The following KCNMA1 variants were observed in gnomAD, a reference collection of about 807,000 sequenced individuals.
KCNMA1 encodes Calcium-activated potassium channel subunit alpha-1.
A neutral mutation model predicts 140.0 loss-of-function variants in KCNMA1; 29 were observed. The observed-to-expected ratio is 0.21, with a 90% CI of 0.15 to 0.28. The LOEUF is 0.28. KCNMA1 is among the 10% of genes least tolerant of loss of function. The pLI, the probability that KCNMA1 is intolerant of heterozygous loss-of-function variation, is 1.00. For synonymous variants in KCNMA1, 612 were observed against 611.9 expected, an observed-to-expected ratio of 1.00 and a Z score of 0.00; for missense variants, 880 against 1,602.2, an observed-to-expected ratio of 0.55 and a Z score of 7.70.
intron 19 of KCNMA1, among the ~76,000 whole-genome samples, chr10:76,989,494 G>C (rs1460385131): frequency 6.6e-6 from 1 of 152,100 alleles, no homozygotes; most frequent in Admixed American, 6.5e-5. Context: ...GATAATCAGA[G>C]TCTCAGAGTT....
chr10:76,932,413 G>T (rs1316255299), intron 23 of KCNMA1, among the ~76,000 whole-genome samples: 1 of 152,096 alleles, frequency 6.6e-6, no homozygotes, highest in Non-Finnish European at 1.5e-5. Context: ...GATAAAAAGA[G>T]GTAAAGTAAT....
Position 77,059,636 on chromosome 10 carries a change from CA to C in KCNMA1, c.1749+13460del, listed in dbSNP as rs1363283568. Among the ~76,000 whole-genome samples the C allele has an allele frequency of 2.0e-5, 3 of 151,924 alleles. No homozygotes were observed. In the East Asian group the frequency reaches 5.8e-4, roughly 29 times the overall value. On this transcript the variant is annotated intron_variant, in intron 14 of 27. Transcript: ENST00000286628. The stretch of plus-strand genomic sequence containing the variant: ...TACATTGATGCAGGAAAGCATTTAG[CA>C]AAATTCAACCTCCATTCATGATTGA...
chr10:77,424,745 G>A (rs886686548), intron 1 of KCNMA1, among the ~76,000 whole-genome samples: 3 of 152,210 alleles, frequency 2.0e-5, no homozygotes, highest in African/African-American at 4.8e-5. Flanking sequence ...TTTAATGAAG[G>A]TGGTGGTATT....
chr10:77,022,604 C>T (rs887235730), intron 16 of KCNMA1, among the ~76,000 whole-genome samples: 13 of 152,130 alleles, frequency 8.5e-5, no homozygotes, highest in Admixed American at 5.9e-4. Flanking sequence ...TAGAGGGGTA[C>T]AAAACATGAT....
chr10:77,093,223 A>G (rs1171206123), intron 9 of KCNMA1, among the ~76,000 whole-genome samples: 2 of 152,194 alleles, frequency 1.3e-5, no homozygotes, highest in Non-Finnish European at 2.9e-5. Context: ...TCAAAAAAGG[A>G]AGAAAAAAAA....
chr10:77,232,852 A>G (rs148472434), intron 3 of KCNMA1, among the ~76,000 whole-genome samples: 1 of 145,008 alleles, frequency 6.9e-6, no homozygotes, highest in East Asian at 2.0e-4. Flanking sequence ...CAATTTTATT[A>G]TTTTGCATGT....
intron 20 of KCNMA1, among the ~76,000 whole-genome samples, chr10:76,958,410 G>C (rs2069299395): frequency 6.6e-6 from 1 of 152,154 alleles, no homozygotes; most frequent in Admixed American, 6.5e-5. Context: ...CTTAGCCAAT[G>C]TACATGCCCT....
intron 1 of KCNMA1, among the ~76,000 whole-genome samples, chr10:77,495,633 C>T (rs193070027): frequency 8.5e-5 from 13 of 152,214 alleles, no homozygotes; most frequent in Non-Finnish European, 1.8e-4. Context: ...GAGAAGCCTG[C>T]GGGGAAGCTC....
At chr10:77,014,872 G>A (rs565114789) in intron 17 of KCNMA1, among the ~76,000 whole-genome samples, 1 of 152,262 alleles carries the variant, frequency 6.6e-6, no homozygotes, top group African/African-American at 2.4e-5. Context: ...CCTCTGTCAT[G>A]CTCACCTCGC....
intron 1 of KCNMA1, among the ~76,000 whole-genome samples, chr10:77,559,163 A>G (rs886129202): frequency 1.3e-5 from 2 of 152,248 alleles, no homozygotes; most frequent in African/African-American, 4.8e-5. Context: ...GGACAACCTT[A>G]GGGCAATGGG....
chr10:77,544,150 C>CTCTGTG (rs1555434748), intron 1 of KCNMA1, among the ~76,000 whole-genome samples: 8,200 of 142,528 alleles, frequency 0.058, 342 homozygotes, highest in African/African-American at 0.11. Context: ...ATCTTTCCAG[C>CTCTGTG]TGTGTGTGTG....
intron 2 of KCNMA1, among the ~76,000 whole-genome samples, chr10:77,369,632 C>A (rs997174830): frequency 7.9e-5 from 12 of 152,286 alleles, no homozygotes; most frequent in South Asian, 2.1e-4. Flanking sequence ...GAGGCCCCAC[C>A]TATATTTGAG....
At chr10:77,510,913 T>C (rs935244602) in intron 1 of KCNMA1, among the ~76,000 whole-genome samples, 1 of 152,110 alleles carries the variant, frequency 6.6e-6, no homozygotes, top group African/African-American at 2.4e-5. Context: ...TGGAAACACA[T>C]GGAAATAACA....
Position 77,090,680 on chromosome 10 carries a change from C to T in KCNMA1, c.1224-170G>A, listed in dbSNP as rs2296676. On this transcript the variant is annotated intron_variant, in intron 9 of 27. Transcript: ENST00000286628. ...CCCAGAGGGCAGTGAGGCAAAGCAG[C>T]GGTGCTAGCAGGTGCTGAGACTCCT... The T allele has an allele frequency of 0.067, 43,178 of 641,378 alleles. 5,579 individuals carry two copies. Among genetic ancestry groups the T allele is most frequent in the East Asian group, 0.48 (17,405 of 36,530 alleles). 39.7% of individuals were successfully genotyped at this position (641,378 alleles called of 1,614,324 possible). A position where few individuals can be genotyped will look rare whatever the true frequency, so the allele number is the denominator to read the frequency against.
chr10:77,355,540 C>T (rs964430531), intron 2 of KCNMA1, among the ~76,000 whole-genome samples: 1 of 152,128 alleles, frequency 6.6e-6, no homozygotes, highest in Non-Finnish European at 1.5e-5. Context: ...AGCATCTAGC[C>T]CCAGGAGCTC....
chr10:76,979,232 A>C (rs1380704897), intron 19 of KCNMA1, among the ~76,000 whole-genome samples: 4 of 152,196 alleles, frequency 2.6e-5, no homozygotes, highest in Non-Finnish European at 5.9e-5. Flanking sequence ...TTCCTCGTGG[A>C]TTTACAAATT....
intron 3 of KCNMA1, among the ~76,000 whole-genome samples, chr10:77,235,365 G>T (rs2055060261): frequency 6.6e-6 from 1 of 152,198 alleles, no homozygotes; most frequent in Non-Finnish European, 1.5e-5. Flanking sequence ...CAGAAAGGAA[G>T]TTAAATTGGA....
At chr10:77,622,077 C>T (rs2091545513) in intron 1 of KCNMA1, among the ~76,000 whole-genome samples, 1 of 152,052 alleles carries the variant, frequency 6.6e-6, no homozygotes, top group Admixed American at 6.5e-5. Context: ...CATTGAGTAA[C>T]CTGCATGACT....
chr10:77,195,988 C>A (rs2040339082), intron 3 of KCNMA1, among the ~76,000 whole-genome samples: 1 of 152,044 alleles, frequency 6.6e-6, no homozygotes, highest in Non-Finnish European at 1.5e-5. Flanking sequence ...TCCACCATAT[C>A]AATGACATCC....
Sources: allele counts gnomAD v4.1 joint callset (sites outside exome capture counted in the v4.1 genomes callset), GRCh38; gene constraint gnomAD v4.1.1; transcripts MANE v1.5; gene names NCBI Gene and HGNC (gene_info 2026-07-23, HGNC 2026-07-21).